The following EXT1 variants were observed in gnomAD, a reference collection of about 807,000 sequenced individuals.
The protein encoded by EXT1 is exostosin-1.
In EXT1, 20 loss-of-function variants were observed where a neutral mutation model predicts 82.5. The observed-to-expected ratio is 0.24, with a 90% CI of 0.17 to 0.35. EXT1 has a LOEUF of 0.35. Among genes scored for constraint, EXT1 ranks in the 10% least tolerant of loss-of-function variants. EXT1 has a pLI of 1.00. For synonymous variants in EXT1, 348 were observed against 350.8 expected (o/e 0.99, Z 0.09); for missense variants, 757 against 936.5 (o/e 0.81, Z 2.50).
chr8:117,947,850 G>C (rs1484631875), intron 1 of EXT1, among the ~76,000 whole-genome samples: 3 of 152,186 alleles, frequency 2.0e-5, no homozygotes, highest in African/African-American at 7.2e-5. Context: ...TTAGCCTCAA[G>C]TAATACTGGG....
chr8:117,869,671 T>C (rs1414218428), intron 1 of EXT1, among the ~76,000 whole-genome samples: 2 of 152,204 alleles, frequency 1.3e-5, no homozygotes, highest in African/African-American at 2.4e-5. Context: ...CAATAATCTC[T>C]AGCATATAAA....
intron 10 of EXT1, among the ~76,000 whole-genome samples, chr8:117,803,173 C>T: frequency 6.6e-6 from 1 of 151,954 alleles, no homozygotes; most frequent in African/African-American, 2.4e-5. Context: ...AATGCTCTTT[C>T]TTAAGGTTTT....
intron 1 of EXT1, among the ~76,000 whole-genome samples, chr8:117,995,981 A>T (rs1815531083): frequency 6.6e-6 from 1 of 152,212 alleles, no homozygotes; most frequent in African/African-American, 2.4e-5. Context: ...TCCAGATATG[A>T]TTATAGCAAT....
At chr8:117,832,420 A>T (rs1812116415) in intron 3 of EXT1, among the ~76,000 whole-genome samples, 1 of 152,070 alleles carries the variant, frequency 6.6e-6, no homozygotes, top group African/African-American at 2.4e-5. Flanking sequence ...GCTACTCGGA[A>T]GGCTGAGGCA....
At chr8:117,901,925 T>C (rs1391517585) in intron 1 of EXT1, among the ~76,000 whole-genome samples, 2 of 152,184 alleles carry the variant, frequency 1.3e-5, no homozygotes, top group Admixed American at 6.5e-5. Flanking sequence ...CTCAAACTCC[T>C]GGGCTCAAGC....
chr8:117,989,061 C>CA (rs10649300), intron 1 of EXT1, among the ~76,000 whole-genome samples: 9,924 of 105,258 alleles, frequency 0.094, 943 homozygotes, highest in African/African-American at 0.23. Flanking sequence ...CCCCTCCTCT[C>CA]AAAAAAAAAA....
rs58788900 is a variant in EXT1 at position 117,815,934 on chromosome 8, CAAA to C, written c.1632+2498_1632+2500del. ...AGGCAACAAGAGCGAAACTCTGCCT[CAAA>C]AAAAAAAAAAAAATTAACAAACATG... On this transcript the variant is annotated intron_variant, in intron 7 of 10. Coordinates refer to ENST00000378204, the MANE Select transcript of EXT1 (RefSeq NM_000127.3). 5.2e-5 allele frequency among the ~76,000 whole-genome samples: 6 copies of C among 116,450 alleles called. 1 individual carries two copies. The highest frequency in any genetic ancestry group is 3.5e-5 in the Non-Finnish European group (2 of 57,606). 76.4% of individuals were successfully genotyped at this position (116,450 alleles called of 152,430 possible). A position where few individuals can be genotyped will look rare whatever the true frequency, so the allele number is the denominator to read the frequency against.
At chr8:117,904,322 A>G (rs6990519) in intron 1 of EXT1, among the ~76,000 whole-genome samples, 76,949 of 152,028 alleles carry the variant, frequency 0.51, 19,868 homozygotes, top group Middle Eastern at 0.63. Context: ...ATTTTTAAGC[A>G]TGCAAACTTA....
intron 1 of EXT1, among the ~76,000 whole-genome samples, chr8:117,926,026 A>G (rs1406156034): frequency 6.6e-6 from 1 of 152,230 alleles, no homozygotes; most frequent in Non-Finnish European, 1.5e-5. Context: ...CCAAAGGGTT[A>G]AGCAATTTGC....
At chr8:118,100,545 C>G (rs1425220012) in intron 1 of EXT1, among the ~76,000 whole-genome samples, 1 of 151,980 alleles carries the variant, frequency 6.6e-6, no homozygotes, top group Non-Finnish European at 1.5e-5. Flanking sequence ...GTCAGGAGAT[C>G]GAGACCATCC....
chr8:117,883,727 A>C (rs557882287), intron 1 of EXT1, among the ~76,000 whole-genome samples: 16 of 152,322 alleles, frequency 1.1e-4, no homozygotes, highest in Non-Finnish European at 2.1e-4. Flanking sequence ...AGCCCTTTGG[A>C]GTGGTAGGGA....
At chr8:118,096,672 A>AAGGAAGGAAGGGAGGG (rs1563654935) in intron 1 of EXT1, among the ~76,000 whole-genome samples, 2 of 90,542 alleles carry the variant, frequency 2.2e-5, no homozygotes, top group South Asian at 5.5e-4. Context: ...GGAAGGAAGG[A>AAGGAAGGAAGGGAGGG]AGGGAGGGAG....
intron 1 of EXT1, among the ~76,000 whole-genome samples, chr8:117,866,771 G>A (rs1053212509): frequency 1.6e-5 from 2 of 123,472 alleles, no homozygotes; most frequent in Non-Finnish European, 3.3e-5. Context: ...CTTTGTCTAG[G>A]AATTTGCTTC....
chr8:118,081,744 G>A (rs1288567240), intron 1 of EXT1, among the ~76,000 whole-genome samples: 1 of 152,098 alleles, frequency 6.6e-6, no homozygotes, highest in Non-Finnish European at 1.5e-5. Context: ...GCTTTTAATA[G>A]CCCCATTTAA....
chr8:117,985,578 G>A lies in EXT1; in HGVS notation c.962+124507C>T, dbSNP rs80274706. On this transcript the variant is annotated intron_variant, in intron 1 of 10. Transcript: ENST00000378204. ...TGCTCTAAGTAGAAGGAGATGCTGA[G>A]CCCAAGAGATGAAGAACTGGGAGGA... 2.2e-3 allele frequency among the ~76,000 whole-genome samples: 339 copies of A among 152,114 alleles called. 1 individual carries two copies. Among genetic ancestry groups the A allele is most frequent in the African/African-American group, 7.8e-3 (324 of 41,488 alleles).
chr8:117,841,111 G>A (rs998725240), intron 1 of EXT1, among the ~76,000 whole-genome samples: 2 of 152,170 alleles, frequency 1.3e-5, no homozygotes, highest in Admixed American at 6.5e-5. Context: ...GCAGAAACTT[G>A]TCCACAAATG....
chr8:118,070,958 C>A lies in EXT1; in HGVS notation c.962+39127G>T, dbSNP rs183513430. Among the ~76,000 whole-genome samples the A allele has an allele frequency of 5.7e-4, 86 of 152,122 alleles. 1 individual carries two copies. Among genetic ancestry groups the A allele is most frequent in the Non-Finnish European group, 5.7e-4 (39 of 68,028 alleles). ...GAATGTTCCTGAGGCCGTTTTAAAG[C>A]CTCCATTTGTGATCTGACCCTTTCA... is the stretch of plus-strand genomic sequence containing the variant. On this transcript the variant is annotated intron_variant, in intron 1 of 10. Coordinates refer to ENST00000378204, the MANE Select transcript of EXT1 (RefSeq NM_000127.3).
At chr8:118,092,396 G>A (rs1252800750) in intron 1 of EXT1, among the ~76,000 whole-genome samples, 1 of 152,094 alleles carries the variant, frequency 6.6e-6, no homozygotes, top group Non-Finnish European at 1.5e-5. Context: ...CCTTGGAGGT[G>A]GACTCTGGGA....
intron 1 of EXT1, among the ~76,000 whole-genome samples, chr8:117,967,262 AGAATGCACCT>A (rs913325083): frequency 3.3e-5 from 5 of 152,240 alleles, no homozygotes. Context: ...CAACTTACCC[AGAATGCACCT>A]GAATGTCTGA....
Sources: gnomAD v4.1 joint callset for allele counts (sites outside exome capture counted in the v4.1 genomes callset) on GRCh38, gnomAD v4.1.1 for gene constraint, MANE v1.5 for transcripts, NCBI Gene and HGNC (gene_info 2026-07-23, HGNC 2026-07-21) for gene names.